Variants in PGBD1 observed in about 807,000 individuals in gnomAD.
The protein encoded by PGBD1 is piggyBac transposable element-derived protein 1.
In PGBD1, 25 loss-of-function variants were observed where a neutral mutation model predicts 34.7. That is an observed-to-expected ratio of 0.72 (90% CI 0.52 to 1.00). The LOEUF (loss-of-function observed/expected upper bound fraction) is 1.00, where lower values mean the gene tolerates loss of function less well. PGBD1 is among the 50% of genes least tolerant of loss of function. The probability of loss-of-function intolerance (pLI) is 0.00; values close to 1 mark genes in which losing one functional copy is unlikely to be tolerated. For missense variants in PGBD1, 830 were observed against 959.4 expected, an observed-to-expected ratio of 0.87 and a Z score of 1.78; for synonymous variants, 292 against 335.7, an observed-to-expected ratio of 0.87 and a Z score of 1.42.
At chr6:28,291,431 C>T (rs545968979) in intron 4 of PGBD1, among the ~76,000 whole-genome samples, 2 of 151,584 alleles carry the variant, frequency 1.3e-5, no homozygotes, top group East Asian at 1.9e-4. Context: ...TAACAAGTAA[C>T]GAGATAGAAT....
rs1762819039 is a variant in PGBD1 at position 28,300,989 on chromosome 6, A to T, written c.1135A>T (p.Lys379Ter). 6.2e-7 allele frequency: 1 copy of T among 1,614,176 alleles called. No homozygotes were observed. Among genetic ancestry groups the T allele is most frequent in the Non-Finnish European group, 8.5e-7 (1 of 1,180,040 alleles). ...GCCTGAGATCCAGCCTGCTCAAAAG[A>T]AGTTAAAGGTATCATGTTTCCCAGA... Reference protein sequence around the residue: ...NEPEIQPAQKKLKVSCFPEKS... With the variant: ...NEPEIQPAQK Residue 379 changes from lysine (K) to a stop codon, truncating the protein, a stop_gained, in exon 7 of 7, where the codon AAG (lysine) becomes TAG (stop). Coordinates refer to ENST00000682144, the MANE Select transcript of PGBD1 (RefSeq NM_032507.4). LOFTEE classifies it low-confidence loss of function (END_TRUNC). This position sits in a 1 kb window ranked among gnomAD's most constrained non-coding sequence, Gnocchi z 4.0.
At position 28,301,093 on chromosome 6, in the gene PGBD1, G is replaced by C. The variant is rs749114200; in HGVS notation, c.1239G>C (p.Lys413Asn). 52 of 1,614,026 alleles carry C rather than the reference G, an allele frequency of 3.2e-5. No homozygotes were observed. Among genetic ancestry groups the C allele is most frequent in the Non-Finnish European group, 4.2e-5 (50 of 1,180,030 alleles). Residue 413 changes from lysine to asparagine, a missense_variant, in exon 7 of 7, where the codon AAG (lysine) becomes AAC (asparagine). Physicochemically the swap from Lys to Asn is moderately conservative, Grantham distance 94 (BLOSUM62 0). Around this residue, in one of 3 missense-constraint regions of PGBD1, gnomAD observed 457 missense variants for 515.4 expected, o/e 0.89. Coordinates refer to ENST00000682144, the MANE Select transcript of PGBD1 (RefSeq NM_032507.4). ...TGGATTCTGGACTTTTGAATCTCAA[G>C]AGCGAAAAGTTGAACCCAGTAGAGC... ...SALDSGLLNL[K>N]SEKLNPVELF... is the part of the protein sequence containing the mutation.
At chr6:28,296,722 C>A in intron 4 of PGBD1, 94 bp from the exon 5 acceptor site, 1 of 1,404,380 alleles carries the variant, frequency 7.1e-7, no homozygotes, top group Non-Finnish European at 9.8e-7. Flanking sequence ...GGGGCTGGGA[C>A]TACCGGTCTA....
At position 28,301,805 on chromosome 6, in the gene PGBD1, C is replaced by A. The variant is rs768438454; in HGVS notation, c.1951C>A (p.Arg651Ser). ...GGGGGTGAGGGCAACAGGAACAATT[C>A]GTGAGAACAGGACCGAAAAATGTCC... is the stretch of plus-strand genomic sequence containing the variant. ...KKGVRATGTI[R>S]ENRTEKCPLM... is the part of the protein sequence containing the mutation. The change falls in exon 7 of 7, where the codon CGT becomes AGT. Residue 651 changes from arginine (R) to serine (S), a missense_variant. By Grantham distance (110) the Arg-to-Ser change is moderately radical. This residue lies in a region of PGBD1 where 372 missense variants were observed against 427.9 expected (regional missense o/e 0.87). Transcript: ENST00000682144. 5.0e-6 allele frequency: 8 copies of A among 1,613,876 alleles called. No homozygotes were observed. Among genetic ancestry groups the A allele is most frequent in the Admixed American group, 1.7e-5 (1 of 59,992 alleles).
rs3800325 is a variant in PGBD1 at position 28,296,915 on chromosome 6, C to G, written c.742C>G (p.Gln248Glu). The change falls in exon 5 of 7, where the codon CAG (glutamine) becomes GAG (glutamate). Residue 248 changes from glutamine to glutamate, a missense_variant. By Grantham distance (29) the Gln-to-Glu change is conservative (BLOSUM62 2). Transcript: ENST00000682144. Reference sequence around the variant, plus strand: ...GAGGAACCTCTGTGGGAACTCAGCTCAGGAGACAGTTATGAGCCTCAGTCC... The same window carrying G: ...GAGGAACCTCTGTGGGAACTCAGCTGAGGAGACAGTTATGAGCCTCAGTCC... ...TRRNLCGNSAQETVMSLSPMT... is the reference protein window; with the variant it reads ...TRRNLCGNSAEETVMSLSPMT... The G allele has an allele frequency of 0.15, 239,730 of 1,613,668 alleles. 22,563 individuals carry two copies. Among genetic ancestry groups the G allele is most frequent in the African/African-American group, 0.4 (30,065 of 74,934 alleles).
chr6:28,283,285 G>T (rs1382372257), intron 1 of PGBD1, among the ~76,000 whole-genome samples: 1 of 152,146 alleles, frequency 6.6e-6, no homozygotes, highest in African/African-American at 2.4e-5. Context: ...AGATTCAAGG[G>T]AAGGAAAAAG....
intron 4 of PGBD1, among the ~76,000 whole-genome samples, chr6:28,290,006 T>A (rs1204730958): frequency 6.6e-6 from 1 of 152,218 alleles, no homozygotes; most frequent in African/African-American, 2.4e-5. Context: ...AGCCTCATGA[T>A]AACTACAATG....
rs1240897569 is a variant in PGBD1, at chr6:28,301,360, C to T, written c.1506C>T (p.Phe502=). 1.2e-6 allele frequency: 2 copies of T among 1,614,000 alleles called. No individual in the cohort carries two copies. Among genetic ancestry groups the T allele is most frequent in the South Asian group, 1.1e-5 (1 of 91,084 alleles). Residue 502 remains phenylalanine (F), a synonymous_variant, in exon 7 of 7, where the codon TTC becomes TTT. Coordinates refer to ENST00000682144, the MANE Select transcript of PGBD1 (RefSeq NM_032507.4). ...AIRRDRFELI[F]SNLHFADNGH... ...GAAGGGACAGATTTGAATTGATTTT[C>T]TCAAACCTGCACTTTGCAGATAATG...
intron 4 of PGBD1, among the ~76,000 whole-genome samples, chr6:28,287,954 T>G (rs1762336906): frequency 1.3e-5 from 2 of 152,226 alleles, no homozygotes; most frequent in Admixed American, 1.3e-4. Context: ...AGTTATTTAT[T>G]TTAAAAGTAG....
Position 28,300,063 on chromosome 6 carries a change from AC to A in PGBD1, c.870-657del, listed in dbSNP as rs1319908074. ...GTAACTTTAGCTTACTTCCTTGTAAACCCCATAAAAATCAGTCCAAGTGCAA... is the reference window on the plus strand; with the variant it reads ...GTAACTTTAGCTTACTTCCTTGTAAACCCATAAAAATCAGTCCAAGTGCAA... On this transcript the variant is annotated intron_variant, in intron 6 of 6. Coordinates refer to ENST00000682144, the MANE Select transcript of PGBD1 (RefSeq NM_032507.4). This position sits in a 1 kb window ranked among gnomAD's most constrained non-coding sequence, Gnocchi z 4.0. Among the ~76,000 whole-genome samples the A allele has an allele frequency of 6.6e-6, 1 of 152,020 alleles. No homozygotes were observed. The highest frequency in any genetic ancestry group is 1.5e-5 in the Non-Finnish European group (1 of 67,980).
At position 28,300,102 on chromosome 6, in the gene PGBD1, C is replaced by T. The variant is rs1185281060; in HGVS notation, c.870-622C>T. 6.6e-6 allele frequency among the ~76,000 whole-genome samples: 1 copy of T among 152,094 alleles called. No homozygotes were observed. Among genetic ancestry groups the T allele is most frequent in the Non-Finnish European group, 1.5e-5 (1 of 68,016 alleles). On this transcript the variant is annotated intron_variant, in intron 6 of 6. Coordinates refer to ENST00000682144, the MANE Select transcript of PGBD1 (RefSeq NM_032507.4). This position sits in a 1 kb window ranked among gnomAD's most constrained non-coding sequence, Gnocchi z 4.0. Reference sequence around the variant, plus strand: ...AGTCCAAGTGCAATGAGTTGAGTTTCATTTGTTTTTCCCCAGAGTAGTATG... The same window carrying T: ...AGTCCAAGTGCAATGAGTTGAGTTTTATTTGTTTTTCCCCAGAGTAGTATG...
intron 1 of PGBD1, among the ~76,000 whole-genome samples, chr6:28,283,136 A>G (rs2142731): frequency 0.033 from 5,064 of 152,276 alleles, 247 homozygotes; most frequent in East Asian, 0.24. Flanking sequence ...TCTCATCCAC[A>G]TGACCTCTGT....
rs1446963935 is a variant in PGBD1 at position 28,297,882 on chromosome 6, T to C, written c.773-13T>C. On this transcript the variant is annotated splice_polypyrimidine_tract_variant and intron_variant, in intron 5 of 6. Coordinates refer to ENST00000682144, the MANE Select transcript of PGBD1 (RefSeq NM_032507.4). ...TAACAGATGACATTTAAATCATTAA[T>C]GTTATATTTTAGCTGAAGAAATTGT... The C allele has an allele frequency of 3.2e-6, 3 of 939,128 alleles. No individual in the cohort carries two copies. The African/African-American group carries it at 5.0e-5, about 16-fold the overall frequency. The allele number at this position is 939,128 out of a possible 1,614,324, so 58.2% of individuals were successfully genotyped here.
intron 4 of PGBD1, among the ~76,000 whole-genome samples, chr6:28,290,705 CA>C (rs1404341826): frequency 6.6e-6 from 1 of 152,126 alleles, no homozygotes; most frequent in African/African-American, 2.4e-5. Flanking sequence ...AGGCCACAAA[CA>C]AATCTGAACA....
chr6:28,298,298 A>G (rs1762721466), intron 6 of PGBD1, among the ~76,000 whole-genome samples: 1 of 152,100 alleles, frequency 6.6e-6, no homozygotes, highest in Non-Finnish European at 1.5e-5. Flanking sequence ...TGGAGAAGCT[A>G]GAAGGCAGAT....
chr6:28,283,173 A>C (rs1168557418), intron 1 of PGBD1, among the ~76,000 whole-genome samples: 3 of 152,162 alleles, frequency 2.0e-5, no homozygotes, highest in Admixed American at 6.5e-5. Flanking sequence ...TCCTTACAGC[A>C]TGGCAGTCTT....
At chr6:28,292,761 A>G (rs2113750724) in intron 4 of PGBD1, among the ~76,000 whole-genome samples, 1 of 152,018 alleles carries the variant, frequency 6.6e-6, no homozygotes, top group African/African-American at 2.4e-5. Context: ...CAAGGGGTTG[A>G]AAAAAAAGAA....
intron 5 of PGBD1, 67 bp downstream of exon 5, chr6:28,297,012 G>C: frequency 6.3e-7 from 1 of 1,588,348 alleles, no homozygotes. Flanking sequence ...CCCTGGCTTG[G>C]CCCTTGGGAG....
intron 4 of PGBD1, among the ~76,000 whole-genome samples, chr6:28,289,614 A>G (rs1035500410): frequency 3.9e-5 from 6 of 152,198 alleles, no homozygotes; most frequent in Non-Finnish European, 8.8e-5. Context: ...AAAAACAATA[A>G]TAGGACTGGA....
Sources: gnomAD v4.1 joint callset for allele counts (sites outside exome capture counted in the v4.1 genomes callset) on GRCh38, gnomAD v4.1.1 for gene constraint, gnomAD v4.1.1 regional missense constraint, Gnocchi (gnomAD v3.1) non-coding constraint, MANE v1.5 for transcripts, NCBI Gene and HGNC (gene_info 2026-07-23, HGNC 2026-07-21) for gene names.